TTC6: variants seen among roughly 807,000 people sequenced by gnomAD.
TTC6 encodes tetratricopeptide repeat protein 6.
In TTC6, 172 loss-of-function variants were observed where a neutral mutation model predicts 210.4. The observed-to-expected ratio is 0.82, with a 90% CI of 0.72 to 0.93. The LOEUF is 0.93. TTC6 is among the 40% of genes least tolerant of loss of function. TTC6 has a pLI of 0.00. For synonymous variants in TTC6, 804 were observed against 819.6 expected (o/e 0.98, Z 0.32); for missense variants, 2,414 against 2,318.1 (o/e 1.04, Z -0.85).
At chr14:37,777,952 T>G (rs2096042948) in intron 14 of TTC6, among the ~76,000 whole-genome samples, 1 of 152,066 alleles carries the variant, frequency 6.6e-6, no homozygotes, top group Admixed American at 6.6e-5. Flanking sequence ...GTTTCTGTCT[T>G]TGTTCTCTGG....
chr14:37,702,828 A>G (rs1299492040), intron 5 of TTC6, among the ~76,000 whole-genome samples: 4 of 152,160 alleles, frequency 2.6e-5, no homozygotes, highest in Admixed American at 6.5e-5. Context: ...CTGGTTTCCC[A>G]GTGATTAGCA....
chr14:37,595,743 C>G (rs1421950076), upstream of TTC6: 3 of 152,410 alleles, frequency 2.0e-5, no homozygotes, highest in East Asian at 5.8e-4. Flanking sequence ...GGCTGCGGCC[C>G]AGTCTCGCGC....
chr14:37,631,287 C>T (rs2095669518), intron 1 of TTC6, among the ~76,000 whole-genome samples: 1 of 152,036 alleles, frequency 6.6e-6, no homozygotes, highest in Non-Finnish European at 1.5e-5. Flanking sequence ...CCTTCAGGAG[C>T]TCTAGTAAGG....
chr14:37,639,715 CAAAAAA>C (rs35837305), intron 1 of TTC6, among the ~76,000 whole-genome samples: 1 of 74,196 alleles, frequency 1.3e-5, no homozygotes. Context: ...ACAAGAAATA[CAAAAAA>C]AAAAAAAAAA....
At chr14:37,729,256 T>C (rs2095879928) in intron 7 of TTC6, among the ~76,000 whole-genome samples, 1 of 152,212 alleles carries the variant, frequency 6.6e-6, no homozygotes, top group Non-Finnish European at 1.5e-5. Flanking sequence ...AAATATGTCA[T>C]GAGCTAGAAA....
At chr14:37,725,023 T>C in intron 7 of TTC6, 21 bp downstream of exon 9, 1 of 1,307,574 alleles carries the variant, frequency 7.6e-7, no homozygotes, top group Non-Finnish European at 1.0e-6. Flanking sequence ...GAATGGGTTT[T>C]CTCTATTATT....
At chr14:37,802,796 A>C (rs2096109955) in intron 20 of TTC6, among the ~76,000 whole-genome samples, 1 of 150,956 alleles carries the variant, frequency 6.6e-6, no homozygotes, top group Non-Finnish European at 1.5e-5. Context: ...GCAGTGGCGC[A>C]ATCTCAGCTC....
intron 10 of TTC6, among the ~76,000 whole-genome samples, chr14:37,747,010 T>C (rs939242145): frequency 3.3e-5 from 5 of 152,216 alleles, no homozygotes; most frequent in African/African-American, 1.2e-4. Flanking sequence ...GGGTACTTAA[T>C]AGATACTGCA....
chr14:37,631,037 C>G (rs2095669064), intron 1 of TTC6, among the ~76,000 whole-genome samples: 1 of 146,638 alleles, frequency 6.8e-6, no homozygotes. Flanking sequence ...TGAATACAGC[C>G]TACTGATGGG....
intron 14 of TTC6, among the ~76,000 whole-genome samples, chr14:37,774,201 C>T (rs1287574831): frequency 6.6e-6 from 1 of 152,138 alleles, no homozygotes; most frequent in African/African-American, 2.4e-5. Flanking sequence ...ATCATATCAT[C>T]TGGAAATAGG....
intron 10 of TTC6, among the ~76,000 whole-genome samples, chr14:37,742,101 C>T (rs148945050): frequency 2.3e-3 from 347 of 152,278 alleles, no homozygotes; most frequent in Non-Finnish European, 4.1e-3. Context: ...TCTCTACCAA[C>T]GTTCTGTCTT....
intron 14 of TTC6, among the ~76,000 whole-genome samples, chr14:37,762,741 A>G (rs12897750): frequency 0.39 from 58,704 of 151,696 alleles, 12,156 homozygotes; most frequent in Admixed American, 0.47. Context: ...CCACTTGTGT[A>G]TTTTTGCTTT....
chr14:37,711,090 T>C (rs971965514), intron 5 of TTC6, among the ~76,000 whole-genome samples: 1 of 152,154 alleles, frequency 6.6e-6, no homozygotes, highest in Non-Finnish European at 1.5e-5. Context: ...ATGATACTAA[T>C]GATGCTCGAT....
At chr14:37,682,710 A>G (rs2095786534) in intron 2 of TTC6, 48 bp from the exon 5 acceptor site, 1 of 1,481,180 alleles carries the variant, frequency 6.8e-7, no homozygotes, top group Non-Finnish European at 9.1e-7. Context: ...AAAGCCTAGA[A>G]GGACCAATAA....
intron 1 of TTC6, among the ~76,000 whole-genome samples, chr14:37,651,874 T>TAGAG (rs1281589763): frequency 6.6e-6 from 1 of 152,096 alleles, no homozygotes; most frequent in Non-Finnish European, 1.5e-5. Flanking sequence ...GAGATGAAGC[T>TAGAG]GGAGAGGCAG....
intron 2 of TTC6, among the ~76,000 whole-genome samples, chr14:37,612,689 T>C (rs896484323): frequency 6.6e-6 from 1 of 152,212 alleles, no homozygotes; most frequent in Non-Finnish European, 1.5e-5. Context: ...ATTTTCAGTG[T>C]AGAGATTTTG....
chr14:37,709,481 A>G (rs1344125206), intron 5 of TTC6, among the ~76,000 whole-genome samples: 1 of 152,122 alleles, frequency 6.6e-6, no homozygotes, highest in Non-Finnish European at 1.5e-5. Flanking sequence ...AATGTCTGTT[A>G]AGAGTTTACC....
intron 17 of TTC6, among the ~76,000 whole-genome samples, chr14:37,794,002 C>G (rs1462669700): frequency 6.6e-6 from 1 of 152,050 alleles, no homozygotes; most frequent in African/African-American, 2.4e-5. Flanking sequence ...ATATATACTC[C>G]CATTATGTGG....
At chr14:37,686,105 A>G (rs1192686518) in intron 3 of TTC6, among the ~76,000 whole-genome samples, 7 of 152,136 alleles carry the variant, frequency 4.6e-5, no homozygotes, top group African/African-American at 1.7e-4. Context: ...GGAAGAGCAC[A>G]GGCTCTGCAA....
Sources: gnomAD v4.1 joint callset for allele counts (sites outside exome capture counted in the v4.1 genomes callset) on GRCh38, gnomAD v4.1.1 for gene constraint, MANE v1.5 for transcripts, NCBI Gene and HGNC (gene_info 2026-07-23, HGNC 2026-07-21) for gene names.